MBNL1: variants seen among roughly 807,000 people sequenced by gnomAD.
The protein encoded by MBNL1 is muscleblind like splicing regulator 1.
In MBNL1, 8 loss-of-function variants were observed where a neutral mutation model predicts 42.2. The observed-to-expected ratio is 0.19, with a 90% confidence interval of 0.11 to 0.34. MBNL1 has a LOEUF of 0.34. Ranked by LOEUF, MBNL1 falls within the 10% of genes least tolerant of loss-of-function variation. The probability of loss-of-function intolerance (pLI) is 1.00; values close to 1 mark genes in which losing one functional copy is unlikely to be tolerated. For synonymous variants in MBNL1, 169 were observed against 173.9 expected, an observed-to-expected ratio of 0.97 and a Z score of 0.22; for missense variants, 309 against 495.3, an observed-to-expected ratio of 0.62 and a Z score of 3.57.
intron 2 of MBNL1, among the ~76,000 whole-genome samples, chr3:152,317,535 G>A (rs1193933231): frequency 6.6e-6 from 1 of 152,044 alleles, no homozygotes; most frequent in African/African-American, 2.4e-5. Context: ...ACCCAGGCTG[G>A]CCTTGAAATC....
intron 2 of MBNL1, among the ~76,000 whole-genome samples, chr3:152,391,056 T>C (rs1401017598): frequency 6.6e-6 from 1 of 152,240 alleles, no homozygotes; most frequent in African/African-American, 2.4e-5. Flanking sequence ...TCCTCTTATA[T>C]AACCTTATCA....
chr3:152,449,836 G>A (rs1718362126), intron 6 of MBNL1, among the ~76,000 whole-genome samples: 1 of 152,152 alleles, frequency 6.6e-6, no homozygotes, highest in African/African-American at 2.4e-5. Flanking sequence ...CAGGCGCAGT[G>A]ACTCATGCCT....
chr3:152,260,918 T>C (rs189450397), intron 2 of MBNL1, among the ~76,000 whole-genome samples: 106 of 152,338 alleles, frequency 7.0e-4, no homozygotes, highest in Non-Finnish European at 1.3e-3. Context: ...CATTTCTAGA[T>C]GCATATGGGC....
At chr3:152,378,392 T>G (rs1162921268) in intron 2 of MBNL1, among the ~76,000 whole-genome samples, 4 of 152,150 alleles carry the variant, frequency 2.6e-5, no homozygotes, top group African/African-American at 9.7e-5. Context: ...AGTAATGTAC[T>G]TTTTAAAAAT....
chr3:152,379,648 C>T (rs1391221646), intron 2 of MBNL1, among the ~76,000 whole-genome samples: 1 of 152,128 alleles, frequency 6.6e-6, no homozygotes, highest in Non-Finnish European at 1.5e-5. Context: ...GGCAGAATCT[C>T]AAAAATTTTC....
chr3:152,417,674 AGAACAAATGAAGGAAGGAGTTTCC>A (rs1483600379), intron 3 of MBNL1, among the ~76,000 whole-genome samples: 2 of 152,166 alleles, frequency 1.3e-5, no homozygotes, highest in Non-Finnish European at 2.9e-5. Flanking sequence ...GATGAGTGAA[AGAACAAATGAAGGAAGGAGTTTCC>A]GAAACACCAG....
At chr3:152,436,805 TTTTGCTGTAGTCAGCACAAA>T (rs1344734010) in intron 4 of MBNL1, among the ~76,000 whole-genome samples, 3 of 152,226 alleles carry the variant, frequency 2.0e-5, no homozygotes, top group Admixed American at 6.5e-5. Context: ...GTCTGTTTTC[TTTTGCTGTAGTCAGCACAAA>T]CGGTTACAAC....
chr3:152,444,645 C>T (rs1270949211), intron 4 of MBNL1, among the ~76,000 whole-genome samples: 1 of 152,126 alleles, frequency 6.6e-6, no homozygotes, highest in Admixed American at 6.5e-5. Flanking sequence ...CATAGATATG[C>T]TGCTGTTTAA....
At chr3:152,427,118 T>C (rs1044260154) in intron 3 of MBNL1, among the ~76,000 whole-genome samples, 1 of 152,240 alleles carries the variant, frequency 6.6e-6, no homozygotes, top group Admixed American at 6.5e-5. Flanking sequence ...TCCATCCTGC[T>C]GTTGTTACTG....
At chr3:152,290,132 A>C (rs1288952709) in intron 1 of MBNL1, among the ~76,000 whole-genome samples, 1 of 152,086 alleles carries the variant, frequency 6.6e-6, no homozygotes, top group African/African-American at 2.4e-5. Flanking sequence ...CACCAGGTTT[A>C]AAATCAGACA....
chr3:152,341,448 C>T (rs1232775419), intron 2 of MBNL1, among the ~76,000 whole-genome samples: 1 of 152,166 alleles, frequency 6.6e-6, no homozygotes, highest in Non-Finnish European at 1.5e-5. Flanking sequence ...GTATGAAGTA[C>T]TTAATCACTG....
chr3:152,288,371 A>G (rs929335752), intron 1 of MBNL1, among the ~76,000 whole-genome samples: 1 of 152,200 alleles, frequency 6.6e-6, no homozygotes, highest in Non-Finnish European at 1.5e-5. Context: ...AATGACTGCG[A>G]GTGGAACCCC....
chr3:152,319,870 T>C (rs1247993260), intron 2 of MBNL1, among the ~76,000 whole-genome samples: 1 of 152,060 alleles, frequency 6.6e-6, no homozygotes, highest in Non-Finnish European at 1.5e-5. Flanking sequence ...TTTAATTCTT[T>C]CTTTGTGCTC....
chr3:152,364,213 A>C (rs1417224155), intron 2 of MBNL1, among the ~76,000 whole-genome samples: 1 of 152,104 alleles, frequency 6.6e-6, no homozygotes, highest in Non-Finnish European at 1.5e-5. Flanking sequence ...AGCTCAAGAA[A>C]TAGCATCTTT....
At chr3:152,412,339 TC>T (rs1560493130) in intron 2 of MBNL1, among the ~76,000 whole-genome samples, 1 of 152,332 alleles carries the variant, frequency 6.6e-6, no homozygotes, top group African/African-American at 2.4e-5. Context: ...TGTAGTGTTT[TC>T]TGCTATATCA....
At chr3:152,452,684 C>T (rs550203081) in intron 6 of MBNL1, among the ~76,000 whole-genome samples, 13 of 152,260 alleles carry the variant, frequency 8.5e-5, no homozygotes, top group African/African-American at 3.1e-4. Flanking sequence ...TGGAGCTGCA[C>T]ACTGCCTGCC....
rs914156944 is a variant in MBNL1 at position 152,351,927 on chromosome 3, G to T, written c.174+51560G>T. Among the ~76,000 whole-genome samples, 4 of 152,068 alleles carry T rather than the reference G, an allele frequency of 2.6e-5. No homozygotes were observed. In the East Asian group the frequency reaches 7.7e-4, roughly 29 times the overall value. ...AAGTACTTAGTAAATGTCCAGCATTGCTCTAAGCATATACTTGGTCTCTAC... is the reference window on the plus strand; with the variant it reads ...AAGTACTTAGTAAATGTCCAGCATTTCTCTAAGCATATACTTGGTCTCTAC... On this transcript the variant is annotated intron_variant, in intron 2 of 9. Transcript: ENST00000324210.
intron 2 of MBNL1, among the ~76,000 whole-genome samples, chr3:152,367,716 C>T (rs889813072): frequency 3.3e-5 from 5 of 152,122 alleles, no homozygotes; most frequent in Admixed American, 1.3e-4. Context: ...TTAATGATTG[C>T]GATTCTAACT....
chr3:152,465,628 A>AACTT lies in MBNL1; in HGVS notation c.*3267_*3270dup, dbSNP rs1249348242. The AACTT allele has an allele frequency of 1.3e-5, 2 of 152,620 alleles. No individual in the cohort carries two copies. Among genetic ancestry groups the AACTT allele is most frequent in the Admixed American group, 6.5e-5 (1 of 15,278 alleles). The allele number at this position is 152,620 out of a possible 1,614,324, so 9.5% of individuals were successfully genotyped here. On this transcript the variant is annotated 3_prime_UTR_variant, in exon 10 of 10. Transcript: ENST00000324210. ...CTTGGTTTTACTATTATGTAATCACAACTTACTTTCTGCTTGTAGTTGCTT... is the reference window on the plus strand; with the variant it reads ...CTTGGTTTTACTATTATGTAATCACAACTTACTTACTTTCTGCTTGTAGTTGCTT...
Sources: gnomAD v4.1 joint callset for allele counts (sites outside exome capture counted in the v4.1 genomes callset) on GRCh38, gnomAD v4.1.1 for gene constraint, MANE v1.5 for transcripts, NCBI Gene and HGNC (gene_info 2026-07-23, HGNC 2026-07-21) for gene names.